CNTN4: variants seen among roughly 807,000 people sequenced by gnomAD.
CNTN4 encodes the protein contactin 4, also known as contactin-4.
Under a neutral mutation model 122.5 loss-of-function variants are expected in CNTN4, and 77 were observed. That is an observed-to-expected ratio of 0.63 (90% CI 0.52 to 0.76). The LOEUF (loss-of-function observed/expected upper bound fraction) is 0.76. Among genes scored for constraint, CNTN4 ranks in the 30% least tolerant of loss-of-function variants. CNTN4 has a pLI of 0.00. For synonymous variants in CNTN4, 512 were observed against 447.0 expected (o/e 1.15, Z -1.83); for missense variants, 1,256 against 1,259.1 (o/e 1.00, Z 0.04).
intron 3 of CNTN4, among the ~76,000 whole-genome samples, chr3:2,368,529 A>T (rs796381052): frequency 4.6e-5 from 7 of 152,286 alleles, no homozygotes; most frequent in African/African-American, 1.7e-4. Flanking sequence ...CCACAAATTT[A>T]TCGAGGTTAA....
At chr3:2,288,127 G>A (rs2042008230) in intron 2 of CNTN4, among the ~76,000 whole-genome samples, 1 of 152,172 alleles carries the variant, frequency 6.6e-6, no homozygotes, top group Non-Finnish European at 1.5e-5. Context: ...AAATGCATTT[G>A]AAAGGAAAAT....
intron 4 of CNTN4, among the ~76,000 whole-genome samples, chr3:2,631,897 A>T (rs921551885): frequency 1.3e-5 from 2 of 149,714 alleles, no homozygotes; most frequent in Admixed American, 1.3e-4. Flanking sequence ...AACAACAACT[A>T]AAAAATTAGC....
chr3:2,722,713 G>A (rs1277484395), intron 4 of CNTN4, among the ~76,000 whole-genome samples: 1 of 152,144 alleles, frequency 6.6e-6, no homozygotes, highest in Admixed American at 6.5e-5. Context: ...CTTTGTGTTT[G>A]CCCAAATCAG....
intron 6 of CNTN4, among the ~76,000 whole-genome samples, chr3:2,775,529 C>T (rs926506567): frequency 6.6e-6 from 1 of 152,174 alleles, no homozygotes; most frequent in Non-Finnish European, 1.5e-5. Flanking sequence ...AAGTGATTCT[C>T]ATGCCTCAGC....
intron 2 of CNTN4, among the ~76,000 whole-genome samples, chr3:2,195,814 A>G (rs2037808654): frequency 6.6e-6 from 1 of 152,200 alleles, no homozygotes. Flanking sequence ...TTAGTTACCT[A>G]GTTTGGCTTG....
chr3:2,782,516 T>TGTGTGTGTGTG (rs1559498453), intron 6 of CNTN4, among the ~76,000 whole-genome samples: 15 of 142,410 alleles, frequency 1.1e-4, no homozygotes, highest in Non-Finnish European at 1.8e-4. Flanking sequence ...TGTGTGTGTG[T>TGTGTGTGTGTG]TTTAATGGGA....
At chr3:2,309,252 T>C (rs2042828180) in intron 2 of CNTN4, among the ~76,000 whole-genome samples, 1 of 152,140 alleles carries the variant, frequency 6.6e-6, no homozygotes, top group South Asian at 2.1e-4. Flanking sequence ...AGTATTGAAG[T>C]GTGATATTAG....
intron 3 of CNTN4, among the ~76,000 whole-genome samples, chr3:2,410,224 G>A (rs1364903722): frequency 6.6e-6 from 1 of 152,170 alleles, no homozygotes; most frequent in Non-Finnish European, 1.5e-5. Flanking sequence ...AACTTTGTGG[G>A]ACAGACACTG....
At chr3:2,125,330 C>CTCTCTCTGTG (rs138301374) in intron 2 of CNTN4, among the ~76,000 whole-genome samples, 18 of 143,364 alleles carry the variant, frequency 1.3e-4, no homozygotes, top group African/African-American at 4.4e-4. Context: ...ATTCTATTCT[C>CTCTCTCTGTG]TGTGTGTGTG....
intron 3 of CNTN4, among the ~76,000 whole-genome samples, chr3:2,490,942 G>T (rs564894678): frequency 1.4e-3 from 214 of 152,248 alleles, no homozygotes; most frequent in Non-Finnish European, 2.8e-3. Flanking sequence ...CCAGTTGACA[G>T]AATGACCTAG....
chr3:2,577,941 C>G (rs1210684113), intron 4 of CNTN4, among the ~76,000 whole-genome samples: 3 of 152,144 alleles, frequency 2.0e-5, no homozygotes, highest in African/African-American at 4.8e-5. Flanking sequence ...AGTGCATCCT[C>G]TCCAAATGCA....
At chr3:2,688,090 A>G (rs2085530344) in intron 4 of CNTN4, among the ~76,000 whole-genome samples, 1 of 152,244 alleles carries the variant, frequency 6.6e-6, no homozygotes, top group Non-Finnish European at 1.5e-5. Flanking sequence ...AAGATAAAAA[A>G]TAAAAATCTG....
chr3:2,978,382 C>T lies in CNTN4; in HGVS notation c.1359-9963C>T, dbSNP rs559383546. 2.0e-5 allele frequency among the ~76,000 whole-genome samples: 3 copies of T among 152,168 alleles called. No individual in the cohort carries two copies. In the East Asian group the frequency reaches 5.8e-4, roughly 29 times the overall value. The stretch of plus-strand genomic sequence containing the variant: ...CAGGGTTCACAGTCTCAAAGGCCTG[C>T]AGGGGCCTGGTAGGAACATTAAAGA... On this transcript the variant is annotated intron_variant, in intron 13 of 24. Transcript: ENST00000418658.
intron 6 of CNTN4, among the ~76,000 whole-genome samples, chr3:2,800,061 G>A (rs1410614660): frequency 1.4e-5 from 2 of 142,074 alleles, no homozygotes; most frequent in African/African-American, 2.6e-5. Context: ...TCGAAGTTGG[G>A]TAATGTGATG....
Position 2,120,948 on chromosome 3 carries a change from T to C in CNTN4, c.-145+20309T>C, listed in dbSNP as rs2033735837. Among the ~76,000 whole-genome samples the C allele has an allele frequency of 2.6e-5, 4 of 152,162 alleles. No individual in the cohort carries two copies. The South Asian group carries it at 8.3e-4, about 32-fold the overall frequency. ...AGATACTATGATGGCCTCTGGGTCC[T>C]AGATGAGAAAACTGAGAATCAGAGA... On this transcript the variant is annotated intron_variant, in intron 2 of 24. Coordinates refer to ENST00000418658, the MANE Select transcript of CNTN4 (RefSeq NM_175607.3).
At chr3:2,483,793 G>T (rs2076071571) in intron 3 of CNTN4, among the ~76,000 whole-genome samples, 1 of 152,102 alleles carries the variant, frequency 6.6e-6, no homozygotes, top group South Asian at 2.1e-4. Flanking sequence ...ATGTGGAACT[G>T]TAAGTCAATT....
intron 9 of CNTN4, 44 bp from the exon 10 acceptor site, chr3:2,886,996 A>G (rs2093986544): frequency 6.4e-7 from 1 of 1,552,144 alleles, no homozygotes; most frequent in African/African-American, 1.4e-5. Flanking sequence ...TAAAAGGTCC[A>G]GTTTTCTCTA....
At chr3:2,729,754 A>C (rs2088536914) in intron 4 of CNTN4, among the ~76,000 whole-genome samples, 1 of 151,458 alleles carries the variant, frequency 6.6e-6, no homozygotes, top group Non-Finnish European at 1.5e-5. Flanking sequence ...CTCTACTAAA[A>C]ACAAAAAAAA....
intron 2 of CNTN4, among the ~76,000 whole-genome samples, chr3:2,156,190 G>C (rs961933935): frequency 6.6e-6 from 1 of 152,236 alleles, no homozygotes; most frequent in Non-Finnish European, 1.5e-5. Context: ...GTAGGTGCCA[G>C]AGCCGTTCCT....
Sources: gnomAD v4.1 joint callset for allele counts (sites outside exome capture counted in the v4.1 genomes callset) on GRCh38, gnomAD v4.1.1 for gene constraint, MANE v1.5 for transcripts, NCBI Gene and HGNC (gene_info 2026-07-23, HGNC 2026-07-21) for gene names.